Variants in CDCA7L observed in about 807,000 individuals in gnomAD.
CDCA7L encodes the protein cell division cycle-associated 7-like protein.
CDCA7L carries 44 observed loss-of-function variants against 57.4 expected under a neutral mutation model. That is an observed-to-expected ratio of 0.77 (90% CI 0.60 to 0.98). The LOEUF (loss-of-function observed/expected upper bound fraction) is 0.98, where lower values mean the gene tolerates loss of function less well. CDCA7L is among the 50% of genes least tolerant of loss of function. The pLI is 0.00. For synonymous variants in CDCA7L, 236 were observed against 202.8 expected (o/e 1.16, Z -1.39); for missense variants, 644 against 580.6 (o/e 1.11, Z -1.12).
chr7:21,929,804 G>GCA (rs755391652), intron 1 of CDCA7L, among the ~76,000 whole-genome samples: 6 of 152,064 alleles, frequency 3.9e-5, no homozygotes, highest in Non-Finnish European at 7.3e-5. Flanking sequence ...CAATACAGGA[G>GCA]CACCCAGATG....
At chr7:21,944,449 C>CAAAAAAAAAAAAAAAAAAAA (rs59373889) in intron 1 of CDCA7L, among the ~76,000 whole-genome samples, 13 of 61,630 alleles carry the variant, frequency 2.1e-4, no homozygotes, top group African/African-American at 9.0e-4. Flanking sequence ...ACTCCGTCTC[C>CAAAAAAAAAAAAAAAAAAAA]AAAAAAAAAA....
At chr7:21,935,997 G>A (rs1421275227) in intron 1 of CDCA7L, among the ~76,000 whole-genome samples, 3 of 151,752 alleles carry the variant, frequency 2.0e-5, no homozygotes, top group South Asian at 4.2e-4. Flanking sequence ...GACAGAGCAA[G>A]ACTCCGTCTC....
intron 3 of CDCA7L, among the ~76,000 whole-genome samples, chr7:21,908,989 G>A (rs1785231238): frequency 6.6e-6 from 1 of 152,160 alleles, no homozygotes; most frequent in Admixed American, 6.5e-5. Context: ...TGCACCTCAG[G>A]GCAGTGACCC....
chr7:21,903,850 A>G (rs942555618), intron 8 of CDCA7L: 4 of 351,154 alleles, frequency 1.1e-5, no homozygotes, highest in African/African-American at 6.3e-5. Context: ...TTACTTGCAT[A>G]AAACTAGAGG....
chr7:21,944,383 G>T (rs1248595520), intron 1 of CDCA7L, among the ~76,000 whole-genome samples: 1 of 141,536 alleles, frequency 7.1e-6, no homozygotes, highest in Admixed American at 7.5e-5. Flanking sequence ...CCCGGGAGGC[G>T]AAGGTTGCAG....
At chr7:21,917,520 T>C (rs1331491059) in intron 1 of CDCA7L, among the ~76,000 whole-genome samples, 1 of 152,242 alleles carries the variant, frequency 6.6e-6, no homozygotes, top group Non-Finnish European at 1.5e-5. Flanking sequence ...CTGGAGTTCA[T>C]TTTTGTAAGT....
Position 21,910,360 on chromosome 7 carries a change from A to G in CDCA7L, c.303+1257T>C, listed in dbSNP as rs565582168. 7.2e-4 allele frequency among the ~76,000 whole-genome samples: 110 copies of G among 152,360 alleles called. 1 individual carries two copies. The highest frequency in any genetic ancestry group is 3.4e-3 in the Middle Eastern group (1 of 294). On this transcript the variant is annotated intron_variant, in intron 3 of 9. Transcript: ENST00000406877. ...GGAGACCTGGGGCCTCCAGGCTGGC[A>G]CAGCTCTATGTTGCTACTCATAGCA...
chr7:21,916,645 G>T, intron 2 of CDCA7L, 109 bp downstream of exon 2: 1 of 996,140 alleles, frequency 1.0e-6, no homozygotes. Flanking sequence ...TAAAATGCTA[G>T]ACAATGAACT....
chr7:21,930,393 AC>A (rs1466405857), intron 1 of CDCA7L, among the ~76,000 whole-genome samples: 1 of 152,160 alleles, frequency 6.6e-6, no homozygotes. Context: ...CCCTAGCATC[AC>A]AATTAAAAGA....
At position 21,901,017 on chromosome 7, in the gene CDCA7L, G is replaced by A. The variant is rs1433590824; in HGVS notation, c.*1305C>T. 1.3e-6 allele frequency: 2 copies of A among 1,593,062 alleles called. No individual in the cohort carries two copies. Among genetic ancestry groups the A allele is most frequent in the African/African-American group, 1.3e-5 (1 of 74,108 alleles). On this transcript the variant is annotated 3_prime_UTR_variant, in exon 10 of 10. Coordinates refer to ENST00000406877, the MANE Select transcript of CDCA7L (RefSeq NM_018719.5). ...GTGTTTTTGCCATAGGCGCCCGCTG[G>A]GACACCCAAGCAGGAACCATTGTTG...
At chr7:21,930,520 C>A (rs187217999) in intron 1 of CDCA7L, among the ~76,000 whole-genome samples, 21 of 151,850 alleles carry the variant, frequency 1.4e-4, no homozygotes, top group South Asian at 4.2e-4. Context: ...GATAGTGAAA[C>A]CCTGTCTGTA....
chr7:21,910,591 G>C (rs1469992292), intron 3 of CDCA7L, among the ~76,000 whole-genome samples: 5 of 152,234 alleles, frequency 3.3e-5, no homozygotes, highest in Admixed American at 1.3e-4. Context: ...GAAGATAGTA[G>C]CATGTTTATT....
Position 21,904,094 on chromosome 7 carries a change from C to A in CDCA7L, c.1197+16G>T, listed in dbSNP as rs761931816. 2.6e-6 allele frequency: 4 copies of A among 1,568,106 alleles called. No homozygotes were observed. The highest frequency in any genetic ancestry group is 1.2e-5 in the South Asian group (1 of 82,194). ...TCACCAATACAATTTACAACAAATGCAAACACTGTTCCTACCGGGTCCAGC... is the reference window on the plus strand; with the variant it reads ...TCACCAATACAATTTACAACAAATGAAAACACTGTTCCTACCGGGTCCAGC... On this transcript the variant is annotated intron_variant, in intron 8 of 9. Transcript: ENST00000406877.
At position 21,901,341 on chromosome 7, in the gene CDCA7L, T is replaced by TG; in HGVS notation, c.*980_*981insC. 1.4e-6 allele frequency: 2 copies of TG among 1,412,424 alleles called. No individual in the cohort carries two copies. Among genetic ancestry groups the TG allele is most frequent in the South Asian group, 1.9e-5 (1 of 52,288 alleles). The allele number at this position is 1,412,424 out of a possible 1,614,324, so 87.5% of individuals were successfully genotyped here. On this transcript the variant is annotated 3_prime_UTR_variant, in exon 10 of 10. Coordinates refer to ENST00000406877, the MANE Select transcript of CDCA7L (RefSeq NM_018719.5). ...TGCACTGTTCCCATGCACATTATTC[T>TG]AACTTTTTAGTAACTCACACGTGCA...
At position 21,902,325 on chromosome 7, in the gene CDCA7L, ATTGTCTTCTACC is replaced by A; in HGVS notation, c.1350_1361del (p.Val451_Asn454del). The A allele has an allele frequency of 6.2e-7, 1 of 1,613,782 alleles. No individual in the cohort carries two copies. Among genetic ancestry groups the A allele is most frequent in the Non-Finnish European group, 8.5e-7 (1 of 1,179,718 alleles). ...GCTGGTTCTGTTTGTTTTCCTCTTA[ATTGTCTTCTACC>A]AGCTCCTTTTGTAAGCTGGGAAAAA... On this transcript the variant is annotated inframe_deletion, in exon 10 of 10. Transcript: ENST00000406877.
chr7:21,901,216 T>C lies in CDCA7L; in HGVS notation c.*1106A>G, dbSNP rs1287421620. On this transcript the variant is annotated 3_prime_UTR_variant, in exon 10 of 10. Coordinates refer to ENST00000406877, the MANE Select transcript of CDCA7L (RefSeq NM_018719.5). ...GAAGAGCGAAGAGAAGACTGCAAAATGGGTTCTGGCTGGAGTGGCTCTGCT... is the reference window on the plus strand; with the variant it reads ...GAAGAGCGAAGAGAAGACTGCAAAACGGGTTCTGGCTGGAGTGGCTCTGCT... 6.2e-7 allele frequency: 1 copy of C among 1,612,218 alleles called. No individual in the cohort carries two copies. The highest frequency in any genetic ancestry group is 1.3e-5 in the African/African-American group (1 of 74,538).
rs544211627 is a variant in CDCA7L, at chr7:21,921,722, A to G, written c.25-4828T>C. On this transcript the variant is annotated intron_variant, in intron 1 of 9. Transcript: ENST00000406877. The stretch of plus-strand genomic sequence containing the variant: ...ATACAAAATTTCTCAATCAATGGAT[A>G]TTTACATTAGTTGAACTTCTGAATT... Among the ~76,000 whole-genome samples, 5 of 152,174 alleles carry G rather than the reference A, an allele frequency of 3.3e-5. No homozygotes were observed. In the East Asian group the frequency reaches 9.6e-4, roughly 29 times the overall value.
At position 21,902,204 on chromosome 7, in the gene CDCA7L, C is replaced by A; in HGVS notation, c.*118G>T. ...AATCTTTAACAAAAAATAGTAATTT[C>A]TACAAAGAATTTCTGTATAAAAACA... is the stretch of plus-strand genomic sequence containing the variant. On this transcript the variant is annotated 3_prime_UTR_variant, in exon 10 of 10. Coordinates refer to ENST00000406877, the MANE Select transcript of CDCA7L (RefSeq NM_018719.5). 1.0e-6 allele frequency: 1 copy of A among 983,404 alleles called. No individual in the cohort carries two copies. Among genetic ancestry groups the A allele is most frequent in the Non-Finnish European group, 1.6e-6 (1 of 622,264 alleles). 60.9% of individuals were successfully genotyped at this position (983,404 alleles called of 1,614,324 possible). A position where few individuals can be genotyped will look rare whatever the true frequency, so the allele number is the denominator to read the frequency against.
At chr7:21,932,620 C>A (rs570577269) in intron 1 of CDCA7L, among the ~76,000 whole-genome samples, 1 of 152,208 alleles carries the variant, frequency 6.6e-6, no homozygotes, top group East Asian at 1.9e-4. Flanking sequence ...TGAAACTGGA[C>A]CCCTTCCTTG....
Sources: gnomAD v4.1 joint callset for allele counts (sites outside exome capture counted in the v4.1 genomes callset) on GRCh38, gnomAD v4.1.1 for gene constraint, MANE v1.5 for transcripts, NCBI Gene and HGNC (gene_info 2026-07-23, HGNC 2026-07-21) for gene names.